Variants in PDGFC observed in about 807,000 individuals in gnomAD.
The protein encoded by PDGFC is platelet-derived growth factor C.
PDGFC carries 12 observed loss-of-function variants against 35.5 expected under a neutral mutation model. The ratio of observed to expected loss-of-function variants is 0.34; its 90% CI spans 0.22 to 0.55. The LOEUF is 0.55. Ranked by LOEUF, PDGFC falls within the 20% of genes least tolerant of loss-of-function variation. The pLI is 0.91. For synonymous variants in PDGFC, 159 were observed against 148.8 expected (o/e 1.07, Z -0.50); for missense variants, 322 against 412.4 (o/e 0.78, Z 1.90).
At chr4:156,842,557 C>T (rs1281234643) in intron 2 of PDGFC, among the ~76,000 whole-genome samples, 2 of 152,054 alleles carry the variant, frequency 1.3e-5, no homozygotes, top group Admixed American at 6.6e-5. Flanking sequence ...AAAATATAGA[C>T]CAGTACATGA....
At chr4:156,918,611 A>G (rs1731203456) in intron 1 of PDGFC, among the ~76,000 whole-genome samples, 1 of 152,128 alleles carries the variant, frequency 6.6e-6, no homozygotes, top group South Asian at 2.1e-4. Context: ...CACGGACCCT[A>G]TTGTAAACTG....
chr4:156,945,342 C>CATATATATATATAT (rs201167463), intron 1 of PDGFC, among the ~76,000 whole-genome samples: 1 of 81,074 alleles, frequency 1.2e-5, no homozygotes, highest in African/African-American at 4.1e-5. Context: ...CATATACATA[C>CATATATATATATAT]ATATATATAT....
intron 3 of PDGFC, among the ~76,000 whole-genome samples, chr4:156,798,274 G>C (rs1235051679): frequency 1.3e-5 from 2 of 152,182 alleles, no homozygotes; most frequent in East Asian, 3.8e-4. Flanking sequence ...CCTCATTTAA[G>C]AGAAGTAAAA....
In PDGFC at chr4:156,971,041, G is replaced by A. The variant is rs1369979879; in HGVS notation, c.-138C>T. ...TGCTCTGGCAGCAGAGAATCGCAGGGTAGTTTCCACATAATCCCATCCAAA... is the reference window on the plus strand; with the variant it reads ...TGCTCTGGCAGCAGAGAATCGCAGGATAGTTTCCACATAATCCCATCCAAA... On this transcript the variant is annotated 5_prime_UTR_variant, in exon 1 of 6. Transcript: ENST00000502773. 1.6e-6 allele frequency: 1 copy of A among 620,522 alleles called. No individual in the cohort carries two copies. Among genetic ancestry groups the A allele is most frequent in the Non-Finnish European group, 2.9e-6 (1 of 347,668 alleles). 38.4% of individuals were successfully genotyped at this position (620,522 alleles called of 1,614,324 possible). A position where few individuals can be genotyped will look rare whatever the true frequency, so the allele number is the denominator to read the frequency against.
At chr4:156,866,427 C>A (rs1385725521) in intron 1 of PDGFC, among the ~76,000 whole-genome samples, 1 of 151,898 alleles carries the variant, frequency 6.6e-6, no homozygotes, top group Admixed American at 6.6e-5. Flanking sequence ...TTTTTTAGTT[C>A]CTAAGGAACT....
At chr4:156,848,077 T>G (rs1270919836) in intron 2 of PDGFC, among the ~76,000 whole-genome samples, 1 of 151,386 alleles carries the variant, frequency 6.6e-6, no homozygotes, top group Non-Finnish European at 1.5e-5. Flanking sequence ...AAGGCAAAAT[T>G]TAAATAGCCA....
intron 1 of PDGFC, among the ~76,000 whole-genome samples, chr4:156,885,646 C>T (rs1730359256): frequency 6.6e-6 from 1 of 152,040 alleles, no homozygotes; most frequent in South Asian, 2.1e-4. Flanking sequence ...AACCCCACAC[C>T]TTTGGGAGGC....
In PDGFC at chr4:156,763,042, G is replaced by A. The variant is rs768386524; in HGVS notation, c.*48C>T. On this transcript the variant is annotated 3_prime_UTR_variant, in exon 6 of 6. Coordinates refer to ENST00000502773, the MANE Select transcript of PDGFC (RefSeq NM_016205.3). ...ACGCATACGTTCTCTAATAGAATCAGCCACTGCACTGCACAGCTCTGGGCA... is the reference window on the plus strand; with the variant it reads ...ACGCATACGTTCTCTAATAGAATCAACCACTGCACTGCACAGCTCTGGGCA... The A allele has an allele frequency of 1.1e-6, 1 of 916,362 alleles. No homozygotes were observed. Among genetic ancestry groups the A allele is most frequent in the East Asian group, 2.4e-5 (1 of 41,520 alleles). The allele number at this position is 916,362 out of a possible 1,614,324, so 56.8% of individuals were successfully genotyped here.
rs184566723 is a variant in PDGFC at position 156,837,930 on chromosome 4, C to T, written c.314+12291G>A. On this transcript the variant is annotated intron_variant, in intron 2 of 5. Transcript: ENST00000502773. ...AAGAGCAGAATCCCTTGATCTCAGA[C>T]TTGGTCAGATCCCCACCCTCTATTT... is the stretch of plus-strand genomic sequence containing the variant. Among the ~76,000 whole-genome samples the T allele has an allele frequency of 6.1e-3, 929 of 152,104 alleles. 9 individuals are homozygous for T. Among genetic ancestry groups the T allele is most frequent in the African/African-American group, 0.021 (865 of 41,490 alleles).
At chr4:156,791,070 A>G (rs954109552) in intron 3 of PDGFC, among the ~76,000 whole-genome samples, 1 of 152,180 alleles carries the variant, frequency 6.6e-6, no homozygotes, top group Non-Finnish European at 1.5e-5. Flanking sequence ...GGCTTCAGGA[A>G]TTTGGTTTAC....
intron 1 of PDGFC, among the ~76,000 whole-genome samples, chr4:156,923,311 C>A (rs1731332181): frequency 1.3e-5 from 2 of 152,194 alleles, no homozygotes. Context: ...CCGGTCCTGG[C>A]ATGGCTGCTT....
At chr4:156,888,458 A>G (rs1488530817) in intron 1 of PDGFC, among the ~76,000 whole-genome samples, 2 of 152,210 alleles carry the variant, frequency 1.3e-5, no homozygotes, top group African/African-American at 4.8e-5. Flanking sequence ...CTGATTATAA[A>G]TTCAGACATA....
chr4:156,905,892 T>C (rs1223498975), intron 1 of PDGFC, among the ~76,000 whole-genome samples: 1 of 152,038 alleles, frequency 6.6e-6, no homozygotes, highest in Non-Finnish European at 1.5e-5. Flanking sequence ...ACATTTAATA[T>C]ACTGTAGATA....
At chr4:156,894,415 T>A (rs1467831919) in intron 1 of PDGFC, among the ~76,000 whole-genome samples, 1 of 152,306 alleles carries the variant, frequency 6.6e-6, no homozygotes, top group East Asian at 1.9e-4. Context: ...ATATGTCATA[T>A]ACCATTTCAG....
intron 3 of PDGFC, among the ~76,000 whole-genome samples, chr4:156,801,051 A>C (rs760563273): frequency 1.4e-4 from 21 of 152,132 alleles, no homozygotes; most frequent in Non-Finnish European, 2.1e-4. Context: ...TTCCCCAGTT[A>C]CTCTTGCAGA....
At chr4:156,909,904 G>C (rs76699488) in intron 1 of PDGFC, among the ~76,000 whole-genome samples, 2,247 of 152,228 alleles carry the variant, frequency 0.015, 59 homozygotes, top group African/African-American at 0.051. Context: ...CCTTGTAAGA[G>C]AAAGGAGAGG....
At chr4:156,899,103 C>T (rs902952371) in intron 1 of PDGFC, among the ~76,000 whole-genome samples, 2 of 152,320 alleles carry the variant, frequency 1.3e-5, no homozygotes, top group African/African-American at 4.8e-5. Flanking sequence ...ATAATTGGCC[C>T]TCCATATCCA....
intron 2 of PDGFC, among the ~76,000 whole-genome samples, chr4:156,839,067 A>C (rs1243421410): frequency 6.6e-6 from 1 of 152,194 alleles, no homozygotes; most frequent in Non-Finnish European, 1.5e-5. Flanking sequence ...TAAGCGACTG[A>C]GCTAAAGCTG....
intron 1 of PDGFC, among the ~76,000 whole-genome samples, chr4:156,947,313 T>C (rs1165600678): frequency 2.6e-5 from 4 of 152,014 alleles, no homozygotes; most frequent in Non-Finnish European, 5.9e-5. Flanking sequence ...CTTATTTCCC[T>C]ACTCAAAAGA....
Sources: gnomAD v4.1 joint callset for allele counts (sites outside exome capture counted in the v4.1 genomes callset) on GRCh38, gnomAD v4.1.1 for gene constraint, MANE v1.5 for transcripts, NCBI Gene and HGNC (gene_info 2026-07-23, HGNC 2026-07-21) for gene names.